The following RYR2 variants were observed in gnomAD, a reference collection of about 807,000 sequenced individuals.
RYR2 encodes the protein ryanodine receptor 2.
Under a neutral mutation model 601.1 loss-of-function variants are expected in RYR2, and 227 were observed. The observed-to-expected ratio is 0.38, with a 90% confidence interval of 0.34 to 0.42. The LOEUF is 0.42. Ranked by LOEUF, RYR2 falls within the 10% of genes least tolerant of loss-of-function variation. The pLI, the probability that RYR2 is intolerant of heterozygous loss-of-function variation, is 1.00. For missense variants in RYR2, 4,646 were observed against 6,156.5 expected (o/e 0.75, Z 8.21); for synonymous variants, 2,223 against 2,175.1 (o/e 1.02, Z -0.61).
intron 1 of RYR2, among the ~76,000 whole-genome samples, chr1:237,204,980 G>A (rs943641147): frequency 1.3e-5 from 2 of 152,168 alleles, no homozygotes; most frequent in East Asian, 1.9e-4. Flanking sequence ...CAGCAGGGAC[G>A]GGCCTCCCCA....
intron 1 of RYR2, among the ~76,000 whole-genome samples, chr1:237,216,165 C>T (rs963022237): frequency 7.9e-5 from 12 of 152,062 alleles, no homozygotes; most frequent in African/African-American, 1.2e-4. Context: ...GGACCTTCAA[C>T]TTAACTTTAA....
chr1:237,284,486 A>ATAATATTTAAAAT (rs1553380470), intron 2 of RYR2, among the ~76,000 whole-genome samples: 2 of 96,952 alleles, frequency 2.1e-5, no homozygotes, highest in African/African-American at 9.5e-5. Flanking sequence ...ACATATATAT[A>ATAATATTTAAAAT]ATATATAAAA....
Position 237,792,138 on chromosome 1 carries a change from C to A in RYR2, c.13597C>A (p.Leu4533Ile). The change falls in exon 94 of 105, where the codon CTC becomes ATC. Residue 4533 changes from leucine (L) to isoleucine (I), a missense_variant. Physicochemically the swap from Leu to Ile is conservative, Grantham distance 5. Around this residue, in one of 17 missense-constraint regions of RYR2, gnomAD observed 364 missense variants for 442.9 expected, o/e 0.82. Transcript: ENST00000366574. The stretch of plus-strand genomic sequence containing the variant: ...TTCTTCTGTGGTTGAAGGAAAGGAG[C>A]TCCCCACGAGAAGTTCAAGTGAAAA... ...STSSVVEGKE[L>I]PTRSSSENAK... 3.1e-6 allele frequency: 5 copies of A among 1,606,004 alleles called. No individual in the cohort carries two copies. The highest frequency in any genetic ancestry group is 4.3e-6 in the Non-Finnish European group (5 of 1,176,156).
chr1:237,319,010 AT>A (rs917033910), intron 2 of RYR2, among the ~76,000 whole-genome samples: 13 of 150,766 alleles, frequency 8.6e-5, no homozygotes, highest in Admixed American at 2.0e-4. Flanking sequence ...TTTGTCAATG[AT>A]TTTTTTTTCT....
chr1:237,741,807 G>T (rs977178542), intron 79 of RYR2, among the ~76,000 whole-genome samples: 1 of 152,072 alleles, frequency 6.6e-6, no homozygotes, highest in African/African-American at 2.4e-5. Context: ...TCACCATGTT[G>T]TTCAGGCTGG....
intron 5 of RYR2, among the ~76,000 whole-genome samples, chr1:237,365,397 T>C (rs1388284629): frequency 7.9e-5 from 12 of 152,242 alleles, no homozygotes; most frequent in African/African-American, 2.2e-4. Flanking sequence ...ACCTGTTCAC[T>C]ACCAGTGCGA....
chr1:237,091,437 CG>C (rs1180335223), intron 1 of RYR2, among the ~76,000 whole-genome samples: 59 of 100,462 alleles, frequency 5.9e-4, no homozygotes, highest in African/African-American at 1.7e-3. Context: ...TTGGGGGGGG[CG>C]GGGGGGGATA....
chr1:237,142,715 C>T (rs1381693923), intron 1 of RYR2, among the ~76,000 whole-genome samples: 4 of 152,194 alleles, frequency 2.6e-5, no homozygotes, highest in Admixed American at 6.5e-5. Flanking sequence ...CCAGGTCAGA[C>T]ACACAGAGGG....
chr1:237,270,739 A>C, intron 2 of RYR2, 123 bp downstream of exon 2: 3 of 1,081,704 alleles, frequency 2.8e-6, no homozygotes, highest in Non-Finnish European at 2.6e-6. Context: ...GGATATAACA[A>C]TGTTTTCCAT....
chr1:237,354,114 C>G (rs1402590223), intron 3 of RYR2, among the ~76,000 whole-genome samples: 1 of 152,176 alleles, frequency 6.6e-6, no homozygotes, highest in Admixed American at 6.6e-5. Context: ...TCTTGTGTGT[C>G]TAGCTGATAA....
At chr1:237,544,494 T>G (rs1669602277) in intron 25 of RYR2, among the ~76,000 whole-genome samples, 1 of 152,178 alleles carries the variant, frequency 6.6e-6, no homozygotes, top group African/African-American at 2.4e-5. Context: ...CAAGAGTTAT[T>G]TTAGTATTTT....
chr1:237,330,576 TG>T (rs1039222215), intron 2 of RYR2, among the ~76,000 whole-genome samples: 4 of 152,120 alleles, frequency 2.6e-5, no homozygotes, highest in Non-Finnish European at 5.9e-5. Context: ...TTAGTAGAGA[TG>T]GGGTTTCACT....
chr1:237,066,859 G>A (rs1003940361), intron 1 of RYR2, among the ~76,000 whole-genome samples: 3 of 151,944 alleles, frequency 2.0e-5, no homozygotes, highest in Admixed American at 6.6e-5. Context: ...GGATGGTCTC[G>A]ATCTCCTGAC....
rs1415832729 is a variant in RYR2, at chr1:237,707,159, G to C, written c.9791G>C (p.Cys3264Ser). ...PENNPERAEM[C>S]CTALNSEHMN... ...AACAATCCAGAACGGGCCGAGATGT[G>C]CTGCACAGCCCTGAACTCAGAGCAC... Residue 3264 changes from cysteine (C) to serine (S), a missense_variant, in exon 68 of 105, where the codon TGC becomes TCC. Transcript: ENST00000366574. 1 of 1,613,784 alleles carries C rather than the reference G, an allele frequency of 6.2e-7. No homozygotes were observed. The highest frequency in any genetic ancestry group is 2.2e-5 in the East Asian group (1 of 44,870).
intron 1 of RYR2, among the ~76,000 whole-genome samples, chr1:237,251,186 T>C (rs1295183377): frequency 6.6e-6 from 1 of 152,126 alleles, no homozygotes; most frequent in Non-Finnish European, 1.5e-5. Context: ...CAGCCCCAGA[T>C]ATTTACTTTT....
chr1:237,184,838 T>C (rs1324673870), intron 1 of RYR2, among the ~76,000 whole-genome samples: 1 of 152,062 alleles, frequency 6.6e-6, no homozygotes, highest in Non-Finnish European at 1.5e-5. Context: ...GTTTTGTCTT[T>C]AGTTGAGTTG....
At chr1:237,769,104 C>T (rs1222712917) in intron 84 of RYR2, among the ~76,000 whole-genome samples, 1 of 151,932 alleles carries the variant, frequency 6.6e-6, no homozygotes, top group African/African-American at 2.4e-5. Context: ...AATATATGAA[C>T]ACTTAAAGTG....
At chr1:237,408,678 T>C (rs964424897) in intron 10 of RYR2, among the ~76,000 whole-genome samples, 1 of 152,094 alleles carries the variant, frequency 6.6e-6, no homozygotes, top group Non-Finnish European at 1.5e-5. Context: ...TCACTTCTCA[T>C]ATAAACTTTA....
intron 12 of RYR2, among the ~76,000 whole-genome samples, chr1:237,438,990 G>A (rs1707654339): frequency 3.3e-5 from 5 of 152,188 alleles, no homozygotes; most frequent in Admixed American, 3.3e-4. Context: ...AAATTTAAAA[G>A]CTGATGCCAA....
Sources: allele counts gnomAD v4.1 joint callset (sites outside exome capture counted in the v4.1 genomes callset), GRCh38; gene constraint gnomAD v4.1.1; regional missense constraint gnomAD v4.1.1; transcripts MANE v1.5; gene names NCBI Gene and HGNC (gene_info 2026-07-23, HGNC 2026-07-21).